Variants in DDHD1 observed in about 807,000 individuals in gnomAD.
The protein encoded by DDHD1 is phospholipase DDHD1.
A neutral mutation model predicts 96.4 loss-of-function variants in DDHD1; 49 were observed. That is an observed-to-expected ratio of 0.51 (90% CI 0.40 to 0.64). DDHD1 has a LOEUF of 0.64. DDHD1 is among the 30% of genes least tolerant of loss of function. DDHD1 has a pLI of 0.00. For synonymous variants in DDHD1, 442 were observed against 446.5 expected, an observed-to-expected ratio of 0.99 and a Z score of 0.13; for missense variants, 1,106 against 1,161.2, an observed-to-expected ratio of 0.95 and a Z score of 0.69.
chr14:53,083,004 AC>A (rs1233531236), intron 4 of DDHD1, among the ~76,000 whole-genome samples: 7 of 152,246 alleles, frequency 4.6e-5, no homozygotes, highest in African/African-American at 1.4e-4. Context: ...AAATGGGGAC[AC>A]AAGGACAAAG....
chr14:53,134,717 C>T (rs767710956), intron 1 of DDHD1, among the ~76,000 whole-genome samples: 1 of 152,078 alleles, frequency 6.6e-6, no homozygotes, highest in Non-Finnish European at 1.5e-5. Flanking sequence ...CCCAAAACTC[C>T]CCAACCAAAT....
At chr14:53,104,831 T>C (rs979855217) in intron 1 of DDHD1, among the ~76,000 whole-genome samples, 1 of 152,116 alleles carries the variant, frequency 6.6e-6, no homozygotes, top group African/African-American at 2.4e-5. Context: ...ATGGATCTAA[T>C]TATGTAGAAT....
At chr14:53,151,891 G>A (rs1473178356) in intron 1 of DDHD1, among the ~76,000 whole-genome samples, 1 of 152,134 alleles carries the variant, frequency 6.6e-6, no homozygotes, top group Non-Finnish European at 1.5e-5. Context: ...TTAAATCATA[G>A]GCTGTTTAGG....
chr14:53,129,762 C>A (rs776575836), intron 1 of DDHD1, among the ~76,000 whole-genome samples: 24 of 152,168 alleles, frequency 1.6e-4, no homozygotes, highest in Non-Finnish European at 2.9e-4. Context: ...TCTTGCCTGA[C>A]CTAAAAACCT....
At chr14:53,134,415 ATACTCACTCT>A (rs1890082741) in intron 1 of DDHD1, among the ~76,000 whole-genome samples, 1 of 151,792 alleles carries the variant, frequency 6.6e-6, no homozygotes. Flanking sequence ...CTTTACTTTT[ATACTCACTCT>A]TATTTTCATT....
intron 2 of DDHD1, among the ~76,000 whole-genome samples, chr14:53,094,256 G>GA (rs1217718368): frequency 6.6e-6 from 1 of 151,904 alleles, no homozygotes; most frequent in South Asian, 2.1e-4. Context: ...TTTAAACTGG[G>GA]AAAAAAATAA....
At chr14:53,081,751 C>T (rs1292713996) in intron 4 of DDHD1, among the ~76,000 whole-genome samples, 2 of 152,278 alleles carry the variant, frequency 1.3e-5, no homozygotes, top group East Asian at 1.9e-4. Context: ...CAAACTTACA[C>T]AATCCTTCAC....
At chr14:53,111,954 T>C (rs1268175754) in intron 1 of DDHD1, among the ~76,000 whole-genome samples, 1 of 151,664 alleles carries the variant, frequency 6.6e-6, no homozygotes, top group African/African-American at 2.4e-5. Flanking sequence ...TAAATTTACA[T>C]TTTCAAGGCA....
chr14:53,086,121 A>C lies in DDHD1; in HGVS notation c.1289+5664T>G, dbSNP rs987723697. Among the ~76,000 whole-genome samples, 174 of 152,336 alleles carry C rather than the reference A, an allele frequency of 1.1e-3. 1 individual carries two copies. Among genetic ancestry groups the C allele is most frequent in the Admixed American group, 0.011 (173 of 15,306 alleles). Reference sequence around the variant, plus strand: ...AGAGAAAAAAGAGTAAAAAGAAACAAACAAAGCCTCCAAGAAATATGGGAC... The same window carrying C: ...AGAGAAAAAAGAGTAAAAAGAAACACACAAAGCCTCCAAGAAATATGGGAC... On this transcript the variant is annotated intron_variant, in intron 4 of 12. Transcript: ENST00000673822.
At chr14:53,103,233 CTT>C (rs1015220929) in intron 2 of DDHD1, 2 of 496,826 alleles carry the variant, frequency 4.0e-6, no homozygotes, top group African/African-American at 2.0e-5. Context: ...CAAATTAAAA[CTT>C]GATATGGTTT....
At chr14:53,061,292 G>T in intron 7 of DDHD1, 91 bp from the exon 8 acceptor site, 1 of 1,053,630 alleles carries the variant, frequency 9.5e-7, no homozygotes, top group Non-Finnish European at 1.3e-6. Flanking sequence ...TAAAGACGCA[G>T]ATGATGGCCC....
intron 1 of DDHD1, among the ~76,000 whole-genome samples, chr14:53,124,624 GT>G (rs1889294777): frequency 1.3e-5 from 2 of 152,084 alleles, no homozygotes; most frequent in Admixed American, 1.3e-4. Flanking sequence ...TTTGATAGAG[GT>G]AAAGAATTCC....
chr14:53,140,142 G>GA (rs1418880271), intron 1 of DDHD1, among the ~76,000 whole-genome samples: 1 of 151,650 alleles, frequency 6.6e-6, no homozygotes, highest in African/African-American at 2.4e-5. Context: ...GAAATACAAA[G>GA]AAAAAAAAGA....
chr14:53,108,485 TG>T (rs990469541), intron 1 of DDHD1, among the ~76,000 whole-genome samples: 17 of 152,186 alleles, frequency 1.1e-4, no homozygotes, highest in Admixed American at 5.2e-4. Flanking sequence ...TTGGGAGCTC[TG>T]GGAGCAAGGA....
intron 4 of DDHD1, among the ~76,000 whole-genome samples, chr14:53,077,161 G>C (rs973129803): frequency 6.6e-6 from 1 of 152,070 alleles, no homozygotes; most frequent in Non-Finnish European, 1.5e-5. Flanking sequence ...TTAGTTATAG[G>C]GGCTTCATCA....
intron 6 of DDHD1, among the ~76,000 whole-genome samples, chr14:53,066,598 T>C (rs1263124313): frequency 6.6e-6 from 1 of 152,144 alleles, no homozygotes; most frequent in Non-Finnish European, 1.5e-5. Context: ...TTTTAAATAA[T>C]TTATCCTAGA....
Position 53,153,120 on chromosome 14 carries a change from GTC to G in DDHD1, c.-24_-23del. 1 of 1,368,536 alleles carries G rather than the reference GTC, an allele frequency of 7.3e-7. No individual in the cohort carries two copies. The highest frequency in any genetic ancestry group is 1.7e-5 in the South Asian group (1 of 58,000). The allele number at this position is 1,368,536 out of a possible 1,614,324, so 84.8% of individuals were successfully genotyped here. A position where few individuals can be genotyped will look rare whatever the true frequency, so the allele number is the denominator to read the frequency against. ...TCATGCTGTGGAGACGCCGCCGGCTGTCCGGCGGCGCGCGGAGCCGTGACCCC... is the reference window on the plus strand; with the variant it reads ...TCATGCTGTGGAGACGCCGCCGGCTGCGGCGGCGCGCGGAGCCGTGACCCC... On this transcript the variant is annotated 5_prime_UTR_variant, in exon 1 of 13. Transcript: ENST00000673822.
chr14:53,130,614 C>T (rs1040047203), intron 1 of DDHD1, among the ~76,000 whole-genome samples: 4 of 152,350 alleles, frequency 2.6e-5, no homozygotes, highest in South Asian at 2.1e-4. Flanking sequence ...CTTCAAAACG[C>T]CTGAACTGCA....
intron 6 of DDHD1, among the ~76,000 whole-genome samples, chr14:53,066,488 A>T (rs1379807854): frequency 1.3e-5 from 2 of 152,148 alleles, no homozygotes; most frequent in African/African-American, 4.8e-5. Flanking sequence ...AAGAAGGGGG[A>T]AAAAGGCTCT....
Sources: allele counts gnomAD v4.1 joint callset (sites outside exome capture counted in the v4.1 genomes callset), GRCh38; gene constraint gnomAD v4.1.1; transcripts MANE v1.5; gene names NCBI Gene and HGNC (gene_info 2026-07-23, HGNC 2026-07-21).